Variants in RPAP3 observed in about 807,000 individuals in gnomAD.
RPAP3 encodes the protein RNA polymerase II-associated protein 3.
A neutral mutation model predicts 88.8 loss-of-function variants in RPAP3; 58 were observed. The ratio of observed to expected loss-of-function variants is 0.65; its 90% CI spans 0.53 to 0.81. RPAP3 has a LOEUF of 0.81. Among genes scored for constraint, RPAP3 ranks in the 40% least tolerant of loss-of-function variants. The probability of loss-of-function intolerance (pLI) is 0.00; values close to 1 mark genes in which losing one functional copy is unlikely to be tolerated. For synonymous variants in RPAP3, 255 were observed against 259.9 expected, an observed-to-expected ratio of 0.98 and a Z score of 0.18; for missense variants, 751 against 764.3, an observed-to-expected ratio of 0.98 and a Z score of 0.20.
At chr12:47,698,335 C>G (rs543626395) in intron 3 of RPAP3, among the ~76,000 whole-genome samples, 30 of 151,814 alleles carry the variant, frequency 2.0e-4, no homozygotes, top group Non-Finnish European at 4.4e-4. Context: ...TACTGTCTCT[C>G]GGTGTATTCC....
chr12:47,697,528 T>A (rs762776579), intron 4 of RPAP3, 69 bp downstream of exon 4: 1 of 1,440,516 alleles, frequency 6.9e-7, no homozygotes, highest in Non-Finnish European at 9.5e-7. Flanking sequence ...CTCAAGAAAC[T>A]TTACGATCCA....
At chr12:47,694,250 G>A (rs1026478401) in intron 5 of RPAP3, among the ~76,000 whole-genome samples, 10 of 152,312 alleles carry the variant, frequency 6.6e-5, no homozygotes, top group African/African-American at 2.2e-4. Flanking sequence ...CCAGTGTAAA[G>A]AACAGAGATG....
In RPAP3 at chr12:47,679,729, AC is replaced by A. The variant is rs1384780167; in HGVS notation, c.1159del (p.Val387Ter). The A allele has an allele frequency of 6.2e-7, 1 of 1,607,312 alleles. No homozygotes were observed. The highest frequency in any genetic ancestry group is 8.5e-7 in the Non-Finnish European group (1 of 1,176,314). ...CTTTTTAATTTTGGAGAGTTCAGTT[AC>A]TGCTTGCTTATTTCCAGGTTCCAGA... ...LLLEPGNKQA[V>X]TELSKIKKEL... On this transcript the variant is annotated frameshift_variant, in exon 11 of 17. Coordinates refer to ENST00000005386, the MANE Select transcript of RPAP3 (RefSeq NM_024604.3). LOFTEE classifies it high-confidence loss of function.
intron 1 of RPAP3, among the ~76,000 whole-genome samples, chr12:47,703,906 G>A (rs1370098990): frequency 2.0e-5 from 3 of 152,152 alleles, no homozygotes; most frequent in Admixed American, 6.5e-5. Context: ...TCTGGCTTGG[G>A]ACCCCGGTAA....
chr12:47,663,649 G>A, intron 16 of RPAP3, 59 bp from the exon 17 acceptor site: 1 of 1,029,846 alleles, frequency 9.7e-7, no homozygotes, highest in Non-Finnish European at 1.4e-6. Flanking sequence ...CAAGCAAAAT[G>A]TAAATTAAAA....
At chr12:47,695,768 TTA>T (rs1413093436) in intron 5 of RPAP3, among the ~76,000 whole-genome samples, 2 of 152,220 alleles carry the variant, frequency 1.3e-5, no homozygotes, top group African/African-American at 4.8e-5. Flanking sequence ...TTGATGGTGT[TTA>T]TCTTTTTAAA....
Position 47,667,849 on chromosome 12 carries a change from T to G in RPAP3, c.1716A>C (p.Gln572His), listed in dbSNP as rs1240292416. 1.3e-6 allele frequency: 2 copies of G among 1,585,028 alleles called. No individual in the cohort carries two copies. Among genetic ancestry groups the G allele is most frequent in the South Asian group, 1.1e-5 (1 of 87,814 alleles). Residue 572 changes from glutamine (Q) to histidine (H), a missense_variant and splice_region_variant, in exon 15 of 17, where the codon CAA becomes CAC. Coordinates refer to ENST00000005386, the MANE Select transcript of RPAP3 (RefSeq NM_024604.3). ...SPDMLYQYLKQIEPSLYPKLF... is the reference protein window; with the variant it reads ...SPDMLYQYLKHIEPSLYPKLF... ...ACTTAGGATACAAAGATGGTTCAAT[T>G]TGCTTGAAAAAAAAATAAAAAGACA...
intron 6 of RPAP3, among the ~76,000 whole-genome samples, 194 bp from the exon 7 acceptor site, chr12:47,689,389 G>A (rs543888831): frequency 2.6e-5 from 4 of 152,160 alleles, no homozygotes; most frequent in Non-Finnish European, 5.9e-5. Context: ...TGCCCAGGCT[G>A]AGTGCAGTGG....
chr12:47,684,932 A>G (rs934416203), intron 9 of RPAP3, among the ~76,000 whole-genome samples: 5 of 152,340 alleles, frequency 3.3e-5, no homozygotes, highest in Admixed American at 3.3e-4. Context: ...TATTTCTATG[A>G]CAGGAGCTCC....
At chr12:47,693,763 A>G (rs1259707920) in intron 5 of RPAP3, among the ~76,000 whole-genome samples, 2 of 152,246 alleles carry the variant, frequency 1.3e-5, no homozygotes, top group Admixed American at 6.5e-5. Flanking sequence ...TTCTCAAATG[A>G]TAAGATGGTC....
chr12:47,679,467 G>A, intron 12 of RPAP3, 26 bp downstream of exon 12: 1 of 1,444,002 alleles, frequency 6.9e-7, no homozygotes, highest in South Asian at 1.2e-5. Flanking sequence ...TAAATGGCAA[G>A]GAAAAAATGA....
chr12:47,663,288 G>GT lies in RPAP3; in HGVS notation c.*216dup. The GT allele has an allele frequency of 2.6e-6, 1 of 389,174 alleles. No individual in the cohort carries two copies. Among genetic ancestry groups the GT allele is most frequent in the African/African-American group, 2.1e-5 (1 of 47,572 alleles). 24.1% of individuals were successfully genotyped at this position (389,174 alleles called of 1,614,324 possible). On this transcript the variant is annotated 3_prime_UTR_variant, in exon 17 of 17. Coordinates refer to ENST00000005386, the MANE Select transcript of RPAP3 (RefSeq NM_024604.3). ...AAATAAAATGCTGATCCTTACAAAT[G>GT]TATCTCATTGTTTATATTTTTATTT... is the stretch of plus-strand genomic sequence containing the variant.
At chr12:47,704,261 T>C (rs553527082) in intron 1 of RPAP3, among the ~76,000 whole-genome samples, 3 of 152,314 alleles carry the variant, frequency 2.0e-5, no homozygotes, top group African/African-American at 7.2e-5. Context: ...TAGAGTGTAC[T>C]GTTACAGATG....
intron 12 of RPAP3, among the ~76,000 whole-genome samples, chr12:47,674,803 A>G (rs980163097): frequency 1.3e-5 from 2 of 152,218 alleles, no homozygotes; most frequent in African/African-American, 4.8e-5. Flanking sequence ...GGAGAATGGA[A>G]CCACATTGGA....
Position 47,662,713 on chromosome 12 carries a change from T to A in RPAP3, c.*792A>T, listed in dbSNP as rs371529775. 9.2e-5 allele frequency: 14 copies of A among 152,376 alleles called. No individual in the cohort carries two copies. Among genetic ancestry groups the A allele is most frequent in the East Asian group, 7.7e-4 (4 of 5,192 alleles). The allele number at this position is 152,376 out of a possible 1,614,324, so 9.4% of individuals were successfully genotyped here. ...TTGAGCACCTAACTATGTGCAAACGTCTGTGCTAGGTACTATGCAGAGTAC... is the reference window on the plus strand; with the variant it reads ...TTGAGCACCTAACTATGTGCAAACGACTGTGCTAGGTACTATGCAGAGTAC... On this transcript the variant is annotated 3_prime_UTR_variant, in exon 17 of 17. Transcript: ENST00000005386.
intron 3 of RPAP3, chr12:47,700,016 CA>C (rs1413159661): frequency 8.2e-6 from 1 of 121,828 alleles, no homozygotes; most frequent in African/African-American, 3.3e-5. Flanking sequence ...TTTTTTGAGA[CA>C]GAGTCTCCCT....
At chr12:47,690,487 AAGAATTC>A (rs1188716913) in intron 6 of RPAP3, 24 bp downstream of exon 6, 1 of 1,565,670 alleles carries the variant, frequency 6.4e-7, no homozygotes, top group Admixed American at 1.8e-5. Flanking sequence ...AACACTGTTA[AAGAATTC>A]TTTAGAGAGT....
chr12:47,671,185 T>C (rs1472799536), intron 12 of RPAP3, among the ~76,000 whole-genome samples: 1 of 152,190 alleles, frequency 6.6e-6, no homozygotes, highest in Non-Finnish European at 1.5e-5. Context: ...TATTCTTCAC[T>C]ATATCATCAT....
Position 47,662,862 on chromosome 12 carries a change from AC to A in RPAP3, c.*642del, listed in dbSNP as rs1457499400. 3 of 152,186 alleles carry A rather than the reference AC, an allele frequency of 2.0e-5. No individual in the cohort carries two copies. The highest frequency in any genetic ancestry group is 7.2e-5 in the African/African-American group (3 of 41,434). 9.4% of individuals were successfully genotyped at this position (152,186 alleles called of 1,614,324 possible). A position where few individuals can be genotyped will look rare whatever the true frequency, so the allele number is the denominator to read the frequency against. ...ACATTACTAATTTTTACATTTTTAC[AC>A]CTTGCATTAGATTATCTGTCCTTAA... On this transcript the variant is annotated 3_prime_UTR_variant, in exon 17 of 17. Coordinates refer to ENST00000005386, the MANE Select transcript of RPAP3 (RefSeq NM_024604.3).
Sources: gnomAD v4.1 joint callset for allele counts (sites outside exome capture counted in the v4.1 genomes callset) on GRCh38, gnomAD v4.1.1 for gene constraint, MANE v1.5 for transcripts, NCBI Gene and HGNC (gene_info 2026-07-23, HGNC 2026-07-21) for gene names.